The following RBBP4 variants were observed in gnomAD, a reference collection of about 807,000 sequenced individuals.
The protein encoded by RBBP4 is histone-binding protein RBBP4.
In RBBP4, 3 loss-of-function variants were observed where a neutral mutation model predicts 57.2. That is an observed-to-expected ratio of 0.05 (90% confidence interval 0.02 to 0.14). RBBP4 has a LOEUF of 0.14. RBBP4 is among the 10% of genes least tolerant of loss of function. RBBP4 has a pLI of 1.00. For missense variants in RBBP4, 107 were observed against 520.6 expected (o/e 0.21, Z 7.73); for synonymous variants, 151 against 171.5 (o/e 0.88, Z 0.93).
chr1:32,666,736 A>G (rs1648664602), intron 3 of RBBP4, among the ~76,000 whole-genome samples: 1 of 152,240 alleles, frequency 6.6e-6, no homozygotes, highest in African/African-American at 2.4e-5. Flanking sequence ...TGAAGGCACA[A>G]ACTGTTTCAG....
At chr1:32,676,886 T>C (rs1036257095) in intron 11 of RBBP4, among the ~76,000 whole-genome samples, 3 of 151,844 alleles carry the variant, frequency 2.0e-5, no homozygotes, top group Non-Finnish European at 4.4e-5. Context: ...GAGGTTGCAG[T>C]GAGCTAAGAT....
At position 32,681,530 on chromosome 1, in the gene RBBP4, A is replaced by G; in HGVS notation, c.*1825A>G. 1 of 411,824 alleles carries G rather than the reference A, an allele frequency of 2.4e-6. No homozygotes were observed. Among genetic ancestry groups the G allele is most frequent in the East Asian group, 4.1e-5 (1 of 24,682 alleles). 25.5% of individuals were successfully genotyped at this position (411,824 alleles called of 1,614,324 possible). Reference sequence around the variant, plus strand: ...TTAAAATACTCCCAGATGTGTCCATACATTCATCCTTCACTCAGTGCATAT... The same window carrying G: ...TTAAAATACTCCCAGATGTGTCCATGCATTCATCCTTCACTCAGTGCATAT... On this transcript the variant is annotated 3_prime_UTR_variant, in exon 12 of 12. Coordinates refer to ENST00000373493, the MANE Select transcript of RBBP4 (RefSeq NM_005610.3).
chr1:32,672,766 CTCTT>C (rs1320798007), intron 10 of RBBP4, 21 bp from the exon 11 acceptor site: 20 of 1,552,776 alleles, frequency 1.3e-5, no homozygotes, highest in East Asian at 4.7e-5. Flanking sequence ...TGCATTTCAC[CTCTT>C]TGTTTTCTTC....
rs546683371 is a variant in RBBP4, at chr1:32,669,782, C to T, written c.966+219C>T. Among the ~76,000 whole-genome samples the T allele has an allele frequency of 2.6e-5, 4 of 151,990 alleles. No individual in the cohort carries two copies. Among genetic ancestry groups the T allele is most frequent in the African/African-American group, 7.2e-5 (3 of 41,428 alleles). ...GCGGATGCCCGTAGTCCCAGCTACT[C>T]GGGAGGCTGAGGCAGGAGAATGGCA... On this transcript the variant is annotated intron_variant, in intron 8 of 11. Transcript: ENST00000373493. The surrounding 1 kb of genome is among the most constrained non-coding windows in gnomAD (Gnocchi z 4.9).
intron 5 of RBBP4, 26 bp downstream of exon 5, chr1:32,668,880 A>G (rs1460011507): frequency 5.0e-6 from 8 of 1,612,972 alleles, no homozygotes; most frequent in African/African-American, 1.3e-5. Flanking sequence ...ATTTTGAAGC[A>G]AATCTGGGCT....
chr1:32,674,803 C>T (rs190159994), intron 11 of RBBP4, among the ~76,000 whole-genome samples: 108 of 151,744 alleles, frequency 7.1e-4, no homozygotes, highest in Admixed American at 7.1e-3. Flanking sequence ...TCTCAGCTCA[C>T]TGCAACCTCT....
intron 11 of RBBP4, among the ~76,000 whole-genome samples, chr1:32,679,121 AC>A (rs1470585925): frequency 2.6e-5 from 4 of 151,562 alleles, no homozygotes; most frequent in African/African-American, 9.7e-5. Context: ...ACATGGTGAA[AC>A]CCCATCTCTA....
At chr1:32,660,112 T>G (rs767984101) in intron 3 of RBBP4, among the ~76,000 whole-genome samples, 1 of 152,314 alleles carries the variant, frequency 6.6e-6, no homozygotes, top group East Asian at 1.9e-4. Context: ...CATCTCCTGT[T>G]TATTTATGTT....
rs1648770367 is a variant in RBBP4 at position 32,669,196 on chromosome 1, CA to C, written c.762-33del. 6.2e-7 allele frequency: 1 copy of C among 1,610,190 alleles called. No individual in the cohort carries two copies. Among genetic ancestry groups the C allele is most frequent in the East Asian group, 2.2e-5 (1 of 44,836 alleles). On this transcript the variant is annotated intron_variant, in intron 6 of 11. Coordinates refer to ENST00000373493, the MANE Select transcript of RBBP4 (RefSeq NM_005610.3). This position sits in a 1 kb window ranked among gnomAD's most constrained non-coding sequence, Gnocchi z 4.9. Reference sequence around the variant, plus strand: ...TAAGTTTTATGTTTAGTCACCATTTCAAGGTTTTTTTCCTTTGTTTTTTTTT... The same window carrying C: ...TAAGTTTTATGTTTAGTCACCATTTCAGGTTTTTTTCCTTTGTTTTTTTTT...
intron 11 of RBBP4, among the ~76,000 whole-genome samples, chr1:32,677,334 A>T (rs981449880): frequency 6.6e-6 from 1 of 151,984 alleles, no homozygotes; most frequent in African/African-American, 2.4e-5. Flanking sequence ...TCCTAATTTG[A>T]TGTGCTTCTG....
chr1:32,670,882 C>T (rs1233801596), intron 8 of RBBP4, among the ~76,000 whole-genome samples: 1 of 152,196 alleles, frequency 6.6e-6, no homozygotes, highest in Non-Finnish European at 1.5e-5. Flanking sequence ...GTGAGCCATA[C>T]TCCTACATAC....
chr1:32,662,190 G>GT (rs991363465), intron 3 of RBBP4: 49 of 327,992 alleles, frequency 1.5e-4, no homozygotes, highest in African/African-American at 4.9e-4. Context: ...GGGTTTTTTT[G>GT]TTTTTTTGGG....
In RBBP4 at chr1:32,683,984, A is replaced by T; in HGVS notation, c.*4279A>T. 6.2e-7 allele frequency: 1 copy of T among 1,606,864 alleles called. No homozygotes were observed. Among genetic ancestry groups the T allele is most frequent in the Non-Finnish European group, 8.5e-7 (1 of 1,173,956 alleles). On this transcript the variant is annotated 3_prime_UTR_variant, in exon 12 of 12. Coordinates refer to ENST00000373493, the MANE Select transcript of RBBP4 (RefSeq NM_005610.3). The stretch of plus-strand genomic sequence containing the variant: ...TTAGGAAAGCAGTAACAATGCAAAC[A>T]CCACTCTTCTCTTCACAAAGATCAC...
rs187430696 is a variant in RBBP4, at chr1:32,675,287, C to T, written c.1212+2386C>T. On this transcript the variant is annotated intron_variant, in intron 11 of 11. Transcript: ENST00000373493. Reference sequence around the variant, plus strand: ...CTGACCTCAGGTGATCTGCCTGCCTCGGCCTCCCAAAGTGCTGGAATTACA... The same window carrying T: ...CTGACCTCAGGTGATCTGCCTGCCTTGGCCTCCCAAAGTGCTGGAATTACA... Among the ~76,000 whole-genome samples the T allele has an allele frequency of 2.6e-3, 393 of 149,834 alleles. 2 individuals carry two copies. The highest frequency in any genetic ancestry group is 4.0e-3 in the Non-Finnish European group (269 of 67,372).
chr1:32,658,077 T>C (rs889909382), intron 3 of RBBP4, among the ~76,000 whole-genome samples: 16 of 152,206 alleles, frequency 1.1e-4, no homozygotes, highest in Admixed American at 1.0e-3. Context: ...GGTCTTGAAC[T>C]CCTGACCTCA....
chr1:32,680,154 C>T lies in RBBP4; in HGVS notation c.*449C>T. 1 of 1,076,300 alleles carries T rather than the reference C, an allele frequency of 9.3e-7. No homozygotes were observed. Among genetic ancestry groups the T allele is most frequent in the Non-Finnish European group, 1.1e-6 (1 of 891,578 alleles). The allele number at this position is 1,076,300 out of a possible 1,614,324, so 66.7% of individuals were successfully genotyped here. A position where few individuals can be genotyped will look rare whatever the true frequency, so the allele number is the denominator to read the frequency against. ...GAGATTCAAGTCATATAGATTCCTACTCGAAAATCTTGACACCTGACTTTC... is the reference window on the plus strand; with the variant it reads ...GAGATTCAAGTCATATAGATTCCTATTCGAAAATCTTGACACCTGACTTTC... On this transcript the variant is annotated 3_prime_UTR_variant, in exon 12 of 12. Coordinates refer to ENST00000373493, the MANE Select transcript of RBBP4 (RefSeq NM_005610.3).
intron 2 of RBBP4, among the ~76,000 whole-genome samples, chr1:32,655,285 G>GT (rs1447391374): frequency 6.6e-6 from 1 of 152,074 alleles, no homozygotes; most frequent in Non-Finnish European, 1.5e-5. Flanking sequence ...CCCTGTTTTT[G>GT]TTTTTTAAGA....
chr1:32,667,138 C>T (rs1047807132), intron 3 of RBBP4, among the ~76,000 whole-genome samples: 1 of 152,208 alleles, frequency 6.6e-6, no homozygotes, highest in African/African-American at 2.4e-5. Context: ...GGATATTATC[C>T]AGGCCTGCCC....
At chr1:32,656,265 G>A (rs909400036) in intron 2 of RBBP4, among the ~76,000 whole-genome samples, 2 of 152,148 alleles carry the variant, frequency 1.3e-5, no homozygotes, top group African/African-American at 2.4e-5. Context: ...CACGATCTCT[G>A]CTCACTGCAG....
Sources: allele counts gnomAD v4.1 joint callset (sites outside exome capture counted in the v4.1 genomes callset), GRCh38; gene constraint gnomAD v4.1.1; non-coding constraint Gnocchi (gnomAD v3.1); transcripts MANE v1.5; gene names NCBI Gene and HGNC (gene_info 2026-07-23, HGNC 2026-07-21).